The following PPP1R13B variants were observed in gnomAD, a reference collection of about 807,000 sequenced individuals.
PPP1R13B encodes the protein protein phosphatase 1 regulatory subunit 13B.
In PPP1R13B, 44 loss-of-function variants were observed where a neutral mutation model predicts 119.8. That is an observed-to-expected ratio of 0.37 (90% CI 0.29 to 0.47). PPP1R13B has a LOEUF of 0.47. PPP1R13B is among the 20% of genes least tolerant of loss of function. PPP1R13B has a pLI of 0.99. For synonymous variants in PPP1R13B, 542 were observed against 561.5 expected, an observed-to-expected ratio of 0.97 and a Z score of 0.49; for missense variants, 1,227 against 1,413.5, an observed-to-expected ratio of 0.87 and a Z score of 2.12.
chr14:103,814,931 C>G (rs1201868244), intron 1 of PPP1R13B, among the ~76,000 whole-genome samples: 1 of 149,354 alleles, frequency 6.7e-6, no homozygotes, highest in African/African-American at 2.5e-5. Context: ...GGCGACAGAG[C>G]AAGACTCCGT....
intron 2 of PPP1R13B, among the ~76,000 whole-genome samples, chr14:103,796,458 A>G (rs555455852): frequency 6.6e-6 from 1 of 152,322 alleles, no homozygotes; most frequent in East Asian, 1.9e-4. Context: ...GCTAAACTCA[A>G]GCAGACAGTA....
At chr14:103,777,577 G>C (rs2085237169) in intron 4 of PPP1R13B, among the ~76,000 whole-genome samples, 1 of 152,120 alleles carries the variant, frequency 6.6e-6, no homozygotes, top group African/African-American at 2.4e-5. Flanking sequence ...TCCAGGAGAG[G>C]ACATGGCAGC....
Position 103,794,452 on chromosome 14 carries a change from G to T in PPP1R13B, c.157+2919C>A, listed in dbSNP as rs144425249. ...AGCGATTCTCCTGCCTCAGCCTCCC[G>T]AGTAGCAGGGATTACAGGTGCCCAC... On this transcript the variant is annotated intron_variant, in intron 2 of 16. Transcript: ENST00000202556. The T allele has an allele frequency of 4.4e-3, 793 of 180,606 alleles. 7 individuals are homozygous for T. The highest frequency in any genetic ancestry group is 0.018 in the African/African-American group (741 of 41,712). 11.2% of individuals were successfully genotyped at this position (180,606 alleles called of 1,614,324 possible).
At chr14:103,753,232 T>C in intron 6 of PPP1R13B, 36 bp from the exon 7 acceptor site, 1 of 1,533,236 alleles carries the variant, frequency 6.5e-7, no homozygotes, top group Non-Finnish European at 8.7e-7. Flanking sequence ...ATAAAAGATT[T>C]AGTTGATCCT....
chr14:103,747,839 G>A (rs2084426648), intron 8 of PPP1R13B, among the ~76,000 whole-genome samples: 2 of 152,286 alleles, frequency 1.3e-5, no homozygotes, highest in South Asian at 2.1e-4. Flanking sequence ...CAAATTGGTA[G>A]ATTTGAGTGA....
chr14:103,787,811 C>T (rs1243178259), intron 2 of PPP1R13B, among the ~76,000 whole-genome samples: 3 of 151,942 alleles, frequency 2.0e-5, no homozygotes, highest in Non-Finnish European at 4.4e-5. Context: ...GCACCACCTA[C>T]GCCCGGCTAA....
At chr14:103,841,069 T>C (rs1301398712) in intron 1 of PPP1R13B, among the ~76,000 whole-genome samples, 1 of 152,178 alleles carries the variant, frequency 6.6e-6, no homozygotes, top group Non-Finnish European at 1.5e-5. Flanking sequence ...GCATGTCACC[T>C]GAGGTCGGGA....
At position 103,753,922 on chromosome 14, in the gene PPP1R13B, C is replaced by T. The variant is rs1211873995; in HGVS notation, c.631+148G>A. The T allele has an allele frequency of 4.1e-6, 4 of 987,272 alleles. No homozygotes were observed. The South Asian group carries it at 5.3e-5, about 13-fold the overall frequency. The allele number at this position is 987,272 out of a possible 1,614,324, so 61.2% of individuals were successfully genotyped here. A position where few individuals can be genotyped will look rare whatever the true frequency, so the allele number is the denominator to read the frequency against. On this transcript the variant is annotated intron_variant, in intron 6 of 16. Transcript: ENST00000202556. ...GATCACTTAACCTAACCCACCCATC[C>T]TTTTAGATGCAAATAACAGAGCAAA...
At chr14:103,790,958 T>C (rs573963529) in intron 2 of PPP1R13B, among the ~76,000 whole-genome samples, 1 of 152,304 alleles carries the variant, frequency 6.6e-6, no homozygotes, top group African/African-American at 2.4e-5. Context: ...GAATTTGATG[T>C]CAAGACAAGA....
intron 2 of PPP1R13B, among the ~76,000 whole-genome samples, chr14:103,791,886 G>A (rs1237771011): frequency 6.6e-6 from 1 of 152,066 alleles, no homozygotes; most frequent in East Asian, 1.9e-4. Context: ...GCTAAATCAT[G>A]TTTCTCAGTT....
chr14:103,821,121 A>C (rs977802714), intron 1 of PPP1R13B, among the ~76,000 whole-genome samples: 8 of 152,216 alleles, frequency 5.3e-5, no homozygotes, highest in Non-Finnish European at 8.8e-5. Flanking sequence ...CAGAAAAGGA[A>C]ATAATTTGTC....
At chr14:103,847,237 A>T in intron 1 of PPP1R13B, 62 bp downstream of exon 1, 1 of 1,111,318 alleles carries the variant, frequency 9.0e-7, no homozygotes, top group Non-Finnish European at 1.1e-6. Context: ...CGCGGGAGGA[A>T]GGAGGTTTGG....
intron 1 of PPP1R13B, among the ~76,000 whole-genome samples, chr14:103,845,162 G>A (rs908934513): frequency 2.0e-5 from 3 of 152,008 alleles, no homozygotes; most frequent in Non-Finnish European, 4.4e-5. Context: ...ATGACCCAAC[G>A]TTCCTTTGAT....
rs10134263 is a variant in PPP1R13B at position 103,795,087 on chromosome 14, G to A, written c.157+2284C>T. Among the ~76,000 whole-genome samples the A allele has an allele frequency of 4.5e-3, 688 of 152,180 alleles. 6 individuals carry two copies. The highest frequency in any genetic ancestry group is 0.016 in the African/African-American group (662 of 41,546). On this transcript the variant is annotated intron_variant, in intron 2 of 16. Transcript: ENST00000202556. ...CAAGAAGCTGGGACTATAGGCGTGT[G>A]CCACCATGCCTGGCTAATTTTTGTA...
intron 1 of PPP1R13B, among the ~76,000 whole-genome samples, chr14:103,800,080 A>G (rs1180410931): frequency 1.3e-5 from 2 of 152,118 alleles, no homozygotes; most frequent in African/African-American, 4.8e-5. Flanking sequence ...AAATAAAAAT[A>G]AAGGAATAAA....
In PPP1R13B at chr14:103,842,365, CTG is replaced by C. The variant is rs947433827; in HGVS notation, c.9+4932_9+4933del. On this transcript the variant is annotated intron_variant, in intron 1 of 16. Transcript: ENST00000202556. ...TCACCCAGGCTGGAGTGCAGTGGCA[CTG>C]TCTCGGCTCACTGCAACCTCCGCCT... Among the ~76,000 whole-genome samples the C allele has an allele frequency of 1.5e-4, 22 of 147,058 alleles. 1 individual carries two copies. Among genetic ancestry groups the C allele is most frequent in the African/African-American group, 5.6e-4 (22 of 39,634 alleles).
chr14:103,804,555 T>C (rs1439243530), intron 1 of PPP1R13B, among the ~76,000 whole-genome samples: 1 of 152,030 alleles, frequency 6.6e-6, no homozygotes, highest in Non-Finnish European at 1.5e-5. Context: ...AGACCCCATC[T>C]CTACTAAAAA....
intron 1 of PPP1R13B, among the ~76,000 whole-genome samples, chr14:103,834,581 CTTTTT>C (rs1157222905): frequency 3.4e-5 from 3 of 89,398 alleles, no homozygotes; most frequent in African/African-American, 5.1e-5. Flanking sequence ...ATTTTAATGT[CTTTTT>C]TTTTTTTTTT....
chr14:103,801,319 T>C (rs1429403463), intron 1 of PPP1R13B, among the ~76,000 whole-genome samples: 1 of 152,094 alleles, frequency 6.6e-6, no homozygotes, highest in Non-Finnish European at 1.5e-5. Flanking sequence ...TGATCATATA[T>C]ATTTCTTTTT....
Sources: gnomAD v4.1 joint callset for allele counts (sites outside exome capture counted in the v4.1 genomes callset) on GRCh38, gnomAD v4.1.1 for gene constraint, MANE v1.5 for transcripts, NCBI Gene and HGNC (gene_info 2026-07-23, HGNC 2026-07-21) for gene names.